The following GTF2IRD1 variants were observed in gnomAD, a reference collection of about 807,000 sequenced individuals.
GTF2IRD1 encodes the protein GTF2I repeat domain containing 1.
A neutral mutation model predicts 113.2 loss-of-function variants in GTF2IRD1; 26 were observed. That is an observed-to-expected ratio of 0.23 (90% CI 0.17 to 0.32). GTF2IRD1 has a LOEUF of 0.32. Ranked by LOEUF, GTF2IRD1 falls within the 10% of genes least tolerant of loss-of-function variation. The pLI is 1.00. For missense variants in GTF2IRD1, 864 were observed against 1,280.8 expected, an observed-to-expected ratio of 0.67 and a Z score of 4.97; for synonymous variants, 484 against 529.1, an observed-to-expected ratio of 0.91 and a Z score of 1.17.
At chr7:74,545,631 C>CA in intron 15 of GTF2IRD1, 113 bp from the exon 16 acceptor site, 2 of 786,242 alleles carry the variant, frequency 2.5e-6, no homozygotes, top group Non-Finnish European at 4.6e-6. Flanking sequence ...CAGCCCCAGC[C>CA]TTCCCCCATT....
chr7:74,511,836 A>G (rs1554343038), intron 2 of GTF2IRD1, among the ~76,000 whole-genome samples: 4 of 152,212 alleles, frequency 2.6e-5, no homozygotes, highest in Non-Finnish European at 1.5e-5. Flanking sequence ...GGGGTAGGTC[A>G]GAGACCTGAG....
At chr7:74,535,030 AG>A in intron 9 of GTF2IRD1, 82 bp from the exon 10 acceptor site, 1 of 1,123,664 alleles carries the variant, frequency 8.9e-7, no homozygotes, top group Non-Finnish European at 1.4e-6. Context: ...CCATCACCAA[AG>A]GGGACTGGAG....
At chr7:74,491,311 C>CTTTTT (rs1178298791) in intron 1 of GTF2IRD1, among the ~76,000 whole-genome samples, 4 of 95,678 alleles carry the variant, frequency 4.2e-5, no homozygotes, top group Non-Finnish European at 6.4e-5. Flanking sequence ...AAAAAAAATT[C>CTTTTT]TTTTTTTTTT....
chr7:74,458,037 A>G (rs1381932152), intron 1 of GTF2IRD1, among the ~76,000 whole-genome samples: 1 of 151,860 alleles, frequency 6.6e-6, no homozygotes, highest in East Asian at 1.9e-4. Flanking sequence ...CGCCCGGCTA[A>G]TTTTTGTATT....
chr7:74,470,175 T>C (rs1793996353), intron 1 of GTF2IRD1, among the ~76,000 whole-genome samples: 1 of 152,074 alleles, frequency 6.6e-6, no homozygotes, highest in Admixed American at 6.6e-5. Flanking sequence ...TTTTTGTATC[T>C]CTTGTAGCTG....
chr7:74,500,171 C>G (rs1030472372), intron 1 of GTF2IRD1, among the ~76,000 whole-genome samples: 5 of 152,178 alleles, frequency 3.3e-5, no homozygotes, highest in Non-Finnish European at 5.9e-5. Context: ...TCAAGTGTCA[C>G]AAATGACCTT....
intron 6 of GTF2IRD1, among the ~76,000 whole-genome samples, chr7:74,520,842 CTATTAT>C (rs200488760): frequency 0.088 from 11,289 of 128,924 alleles, 534 homozygotes; most frequent in East Asian, 0.13. Flanking sequence ...GTTATATATA[CTATTAT>C]TATTATTATT....
intron 2 of GTF2IRD1, 112 bp downstream of exon 2, chr7:74,508,315 A>G (rs1270651391): frequency 1.7e-6 from 2 of 1,167,466 alleles, no homozygotes; most frequent in Non-Finnish European, 2.4e-6. Context: ...CCTGAACCTC[A>G]GTTTATCTGA....
intron 1 of GTF2IRD1, chr7:74,506,161 A>G (rs1554341020): frequency 6.6e-6 from 1 of 152,094 alleles, no homozygotes; most frequent in East Asian, 1.9e-4. Flanking sequence ...GTGGTTGGAC[A>G]CCTCTGGCCT....
intron 4 of GTF2IRD1, among the ~76,000 whole-genome samples, chr7:74,516,468 G>A (rs1407007463): frequency 6.6e-6 from 1 of 152,266 alleles, no homozygotes; most frequent in African/African-American, 2.4e-5. Context: ...GGAAGCGTCA[G>A]GTTGCAGAGG....
In GTF2IRD1 at chr7:74,555,634, A is replaced by G. The variant is rs1319652316; in HGVS notation, c.2023+140A>G. On this transcript the variant is annotated intron_variant, in intron 19 of 26. Coordinates refer to ENST00000424337, the MANE Select transcript of GTF2IRD1 (RefSeq NM_005685.4). This position sits in a 1 kb window ranked among gnomAD's most constrained non-coding sequence, Gnocchi z 5.3. ...AAGGGACCAGGCAAGCCAGGTTGGCAGCCCAGGCCCGGCTGTACCCTGCCA... is the reference window on the plus strand; with the variant it reads ...AAGGGACCAGGCAAGCCAGGTTGGCGGCCCAGGCCCGGCTGTACCCTGCCA... 1.4e-5 allele frequency: 9 copies of G among 632,708 alleles called. No homozygotes were observed. The highest frequency in any genetic ancestry group is 2.3e-5 in the Non-Finnish European group (8 of 347,968). The allele number at this position is 632,708 out of a possible 1,614,324, so 39.2% of individuals were successfully genotyped here. A position where few individuals can be genotyped will look rare whatever the true frequency, so the allele number is the denominator to read the frequency against.
At chr7:74,602,191 G>T in intron 26 of GTF2IRD1, 174 bp from the exon 27 acceptor site, 1 of 629,014 alleles carries the variant, frequency 1.6e-6, no homozygotes. Flanking sequence ...GCAGTGAGCC[G>T]AGATTGCATC....
At chr7:74,567,474 C>T (rs1383284604) in intron 22 of GTF2IRD1, among the ~76,000 whole-genome samples, 1 of 152,082 alleles carries the variant, frequency 6.6e-6, no homozygotes, top group Non-Finnish European at 1.5e-5. Context: ...AGGTGCTAAG[C>T]AACAGGTTGC....
rs112308842 is a variant in GTF2IRD1, at chr7:74,518,845, G to A, written c.605+523G>A. 3.0e-3 allele frequency among the ~76,000 whole-genome samples: 462 copies of A among 152,156 alleles called. 4 individuals are homozygous for A. The highest frequency in any genetic ancestry group is 0.01 in the African/African-American group (415 of 41,500). On this transcript the variant is annotated intron_variant, in intron 5 of 26. Transcript: ENST00000424337. The stretch of plus-strand genomic sequence containing the variant: ...TGAGGATGCAGTGAGCTGTGATTGC[G>A]TCACTGCACTCCAGCATGGGCAACA...
At chr7:74,484,964 G>GGATCT (rs1319127445) in intron 1 of GTF2IRD1, among the ~76,000 whole-genome samples, 2 of 152,142 alleles carry the variant, frequency 1.3e-5, no homozygotes, top group Non-Finnish European at 2.9e-5. Context: ...AATCTGGAGT[G>GGATCT]GATCTGAGAA....
At chr7:74,587,305 C>T (rs1196082503) in intron 22 of GTF2IRD1, among the ~76,000 whole-genome samples, 3 of 152,022 alleles carry the variant, frequency 2.0e-5, no homozygotes, top group Non-Finnish European at 4.4e-5. Context: ...ATTAACCGGA[C>T]GTTGTGGCAG....
intron 26 of GTF2IRD1, 63 bp downstream of exon 26, chr7:74,601,243 A>T: frequency 1.3e-6 from 2 of 1,551,948 alleles, no homozygotes; most frequent in Non-Finnish European, 1.7e-6. Flanking sequence ...TCTGTCTGGC[A>T]GGGCCGTCTA....
At chr7:74,598,720 A>G (rs1434877583) in intron 25 of GTF2IRD1, among the ~76,000 whole-genome samples, 1 of 152,088 alleles carries the variant, frequency 6.6e-6, no homozygotes, top group Non-Finnish European at 1.5e-5. Flanking sequence ...ACCCACATCC[A>G]CCACTCCCTC....
chr7:74,515,237 A>T, intron 3 of GTF2IRD1: 2 of 1,021,834 alleles, frequency 2.0e-6, no homozygotes, highest in Non-Finnish European at 2.9e-6. Flanking sequence ...CAGCCCTGGG[A>T]ACTCTGAGAT....
Sources: allele counts gnomAD v4.1 joint callset (sites outside exome capture counted in the v4.1 genomes callset), GRCh38; gene constraint gnomAD v4.1.1; non-coding constraint Gnocchi (gnomAD v3.1); transcripts MANE v1.5; gene names NCBI Gene and HGNC (gene_info 2026-07-23, HGNC 2026-07-21).